Variants in RPTN observed in about 807,000 individuals in gnomAD.
RPTN encodes the protein intermediate filament-associated protein.
A neutral mutation model predicts 3.6 loss-of-function variants in RPTN; 4 were observed. That is an observed-to-expected ratio of 1.12 (90% CI 0.55 to 2.55). The LOEUF (loss-of-function observed/expected upper bound fraction) is 2.55. Among genes scored for constraint, RPTN ranks in the 30% most tolerant of loss-of-function variants. The probability of loss-of-function intolerance (pLI) is 0.02; values close to 1 mark genes in which losing one functional copy is unlikely to be tolerated. For synonymous variants in RPTN, 293 were observed against 319.3 expected, an observed-to-expected ratio of 0.92 and a Z score of 0.88; for missense variants, 860 against 916.7, an observed-to-expected ratio of 0.94 and a Z score of 0.80.
At position 152,157,868 on chromosome 1, in the gene RPTN, T is replaced by C; in HGVS notation, c.22A>G (p.Ile8Val). 1 of 1,613,880 alleles carries C rather than the reference T, an allele frequency of 6.2e-7. No homozygotes were observed. Among genetic ancestry groups the C allele is most frequent in the Non-Finnish European group, 8.5e-7 (1 of 1,179,858 alleles). Residue 8 changes from isoleucine (I) to valine (V), a missense_variant, in exon 2 of 3, where the codon ATA becomes GTA. Transcript: ENST00000316073. The stretch of plus-strand genomic sequence containing the variant: ...TGGAATACGTCAATCACACTGAGTA[T>C]GCTATTCAGGAGTTGAGCCATTTTG... MAQLLNS[I>V]LSVIDVFHKY... is the part of the protein sequence containing the mutation.
rs1487474281 is a variant in RPTN, at chr1:152,155,895, G to A, written c.1204C>T (p.His402Tyr). ...CCTTGTCTCTCTGTCTGACCATAGT[G>A]AGAACTTTGGTCTTGTCTGTCTGTC... ...GQTDRQDQSSHYGQTERQGQS... is the reference protein window; with the variant it reads ...GQTDRQDQSSYYGQTERQGQS... The change falls in exon 3 of 3, where the codon CAC (histidine) becomes TAC (tyrosine). Residue 402 changes from histidine (H) to tyrosine (Y), a missense_variant. His to Tyr is a moderately conservative substitution (Grantham distance 83). Coordinates refer to ENST00000316073, the MANE Select transcript of RPTN (RefSeq NM_001122965.1). The A allele has an allele frequency of 1.2e-6, 2 of 1,613,826 alleles. No individual in the cohort carries two copies. The highest frequency in any genetic ancestry group is 3.3e-5 in the Admixed American group (2 of 59,994).
Position 152,156,314 on chromosome 1 carries a change from G to T in RPTN, c.785C>A (p.Thr262Lys), listed in dbSNP as rs199850193. ...ATAAGAGCCTGATTTCTGTTGATTT[G>T]TCTGGTTAAAGTGAGAGGCTTGTCC... ...TLGQASHFNQ[T>K]NQQKSGSYCG... Residue 262 changes from threonine (T) to lysine (K), a missense_variant, in exon 3 of 3, where the codon ACA (threonine) becomes AAA (lysine). Coordinates refer to ENST00000316073, the MANE Select transcript of RPTN (RefSeq NM_001122965.1). The T allele has an allele frequency of 1.5e-4, 245 of 1,614,250 alleles. No homozygotes were observed. The African/African-American group carries it at 2.8e-3, about 18-fold the overall frequency.
rs766739280 is a variant in RPTN, at chr1:152,156,173, T to G, written c.926A>C (p.Gln309Pro). ...GGAACTCTGGCCTTGTCTGTCTGTCTGACCATAATGATAACTCTGGTCTTG... is the reference window on the plus strand; with the variant it reads ...GGAACTCTGGCCTTGTCTGTCTGTCGGACCATAATGATAACTCTGGTCTTG... ...DRQDQSYHYG[Q>P]TDRQGQSSHY... is the part of the protein sequence containing the mutation. Residue 309 changes from glutamine (Q) to proline (P), a missense_variant, in exon 3 of 3, where the codon CAG becomes CCG. Gln to Pro is a moderately conservative substitution (Grantham distance 76, BLOSUM62 -1). Coordinates refer to ENST00000316073, the MANE Select transcript of RPTN (RefSeq NM_001122965.1). 5.0e-6 allele frequency: 8 copies of G among 1,614,076 alleles called. No individual in the cohort carries two copies. The highest frequency in any genetic ancestry group is 1.3e-5 in the African/African-American group (1 of 75,048).
rs1415917093 is a variant in RPTN, at chr1:152,156,351, ATTG to A, written c.745_747del (p.Gln249del). Reference sequence around the variant, plus strand: ...TGAGAGGCTTGTCCAAGTGTTTCAGATTGTTGTGTATGTCTTTCAGACTGACCA... The same window carrying A: ...TGAGAGGCTTGTCCAAGTGTTTCAGATTGTGTATGTCTTTCAGACTGACCA... On this transcript the variant is annotated inframe_deletion, in exon 3 of 3. Transcript: ENST00000316073. The A allele has an allele frequency of 1.9e-6, 3 of 1,614,238 alleles. No homozygotes were observed. In the Admixed American group the frequency reaches 5.0e-5, roughly 27 times the overall value.
rs1048413410 is a variant in RPTN, at chr1:152,154,977, C to G, written c.2122G>C (p.Glu708Gln). 1 of 1,613,858 alleles carries G rather than the reference C, an allele frequency of 6.2e-7. No individual in the cohort carries two copies. The highest frequency in any genetic ancestry group is 1.3e-5 in the African/African-American group (1 of 75,038). Residue 708 changes from glutamate to glutamine, a missense_variant, in exon 3 of 3, where the codon GAG becomes CAG. By Grantham distance (29) the Glu-to-Gln change is conservative (BLOSUM62 2). Coordinates refer to ENST00000316073, the MANE Select transcript of RPTN (RefSeq NM_001122965.1). ...GEGLSHWAEE[E>Q]QGHQTWDRHS... is the part of the protein sequence containing the mutation. ...CTATCCCAAGTTTGATGGCCCTGCT[C>G]TTCCTCTGCCCAGTGGCTCAGCCCC...
In RPTN at chr1:152,155,270, A is replaced by G; in HGVS notation, c.1829T>C (p.Val610Ala). ...GTEGTRKASY[V>A]EQSGRSGRLS... ...CCTCCCTGATCTTCCTGATTGTTCA[A>G]CATAAGAGGCTTTTCTTGTTCCTTC... The change falls in exon 3 of 3, where the codon GTT (valine) becomes GCT (alanine). Residue 610 changes from valine to alanine, a missense_variant. Transcript: ENST00000316073. 1.9e-6 allele frequency: 3 copies of G among 1,614,160 alleles called. No homozygotes were observed. Among genetic ancestry groups the G allele is most frequent in the Non-Finnish European group, 2.5e-6 (3 of 1,180,020 alleles).
rs1204980633 is a variant in RPTN at position 152,153,949 on chromosome 1, A to G, written c.*795T>C. The stretch of plus-strand genomic sequence containing the variant: ...ATTCTAGTCTAGACTATGAGGCTTG[A>G]AATTCCTGATGTTTTATCCACAGGA... On this transcript the variant is annotated 3_prime_UTR_variant, in exon 3 of 3. Transcript: ENST00000316073. 1 of 152,428 alleles carries G rather than the reference A, an allele frequency of 6.6e-6. No individual in the cohort carries two copies. Among genetic ancestry groups the G allele is most frequent in the African/African-American group, 2.4e-5 (1 of 41,442 alleles). The allele number at this position is 152,428 out of a possible 1,614,324, so 9.4% of individuals were successfully genotyped here.
In RPTN at chr1:152,157,926, G is replaced by C. The variant is rs775627207; in HGVS notation, c.-20-17C>G. On this transcript the variant is annotated splice_polypyrimidine_tract_variant and intron_variant, in intron 1 of 2. Transcript: ENST00000316073. ...CGGGTGAACCTAAAAGAAGAAACAA[G>C]ATTTCTCCTGCCGTTAGGATAATGA... 1 of 1,608,996 alleles carries C rather than the reference G, an allele frequency of 6.2e-7. No individual in the cohort carries two copies. The highest frequency in any genetic ancestry group is 1.1e-5 in the South Asian group (1 of 90,798).
Position 152,155,326 on chromosome 1 carries a change from T to C in RPTN, c.1773A>G (p.Ile591Met). The C allele has an allele frequency of 6.2e-7, 1 of 1,614,272 alleles. No homozygotes were observed. The highest frequency in any genetic ancestry group is 1.1e-5 in the South Asian group (1 of 91,092). Residue 591 changes from isoleucine to methionine, a missense_variant, in exon 3 of 3, where the codon ATA (isoleucine) becomes ATG (methionine). Ile to Met is a conservative substitution (Grantham distance 10). Coordinates refer to ENST00000316073, the MANE Select transcript of RPTN (RefSeq NM_001122965.1). ...CTTGGAAGTACTTATTTTGCCCTTG[T>C]ATTTCCCCAGTCTGTGATTGAATAT... is the stretch of plus-strand genomic sequence containing the variant. ...SHYIQSQTGE[I>M]QGQNKYFQGT...
chr1:152,156,705 A>T lies in RPTN; in HGVS notation c.394T>A (p.Ser132Thr). The T allele has an allele frequency of 1.2e-6, 2 of 1,613,876 alleles. No homozygotes were observed. Among genetic ancestry groups the T allele is most frequent in the Non-Finnish European group, 1.7e-6 (2 of 1,179,956 alleles). ...RQRHEEERQN[S>T]HHSQPERQDG... is the part of the protein sequence containing the mutation. ...TGTCTCTCAGGCTGACTGTGGTGGGAGTTCTGCCTTTCTTCCTCGTGCCTC... is the reference window on the plus strand; with the variant it reads ...TGTCTCTCAGGCTGACTGTGGTGGGTGTTCTGCCTTTCTTCCTCGTGCCTC... Residue 132 changes from serine to threonine, a missense_variant, in exon 3 of 3, where the codon TCC becomes ACC. Physicochemically the swap from Ser to Thr is moderately conservative, Grantham distance 58 (BLOSUM62 1). Transcript: ENST00000316073.
In RPTN at chr1:152,156,015, C is replaced by T. The variant is rs779574736; in HGVS notation, c.1084G>A (p.Gly362Ser). Residue 362 changes from glycine (G) to serine (S), a missense_variant, in exon 3 of 3, where the codon GGC becomes AGC. Transcript: ENST00000316073. ...CYHYDQTNRQ[G>S]QGSHYSQPNR... ...GGTTGACTGTAGTGGGAACCCTGGC[C>T]TTGTCTGTTTGTCTGATCATAATGA... 2.5e-6 allele frequency: 4 copies of T among 1,613,718 alleles called. No individual in the cohort carries two copies. In the South Asian group the frequency reaches 4.4e-5, roughly 18 times the overall value.
Position 152,156,026 on chromosome 1 carries a change from G to A in RPTN, c.1073C>T (p.Thr358Ile). 6.2e-7 allele frequency: 1 copy of A among 1,613,508 alleles called. No individual in the cohort carries two copies. Among genetic ancestry groups the A allele is most frequent in the Non-Finnish European group, 8.5e-7 (1 of 1,180,016 alleles). ...RKGQCYHYDQ[T>I]NRQGQGSHYS... ...GTGGGAACCCTGGCCTTGTCTGTTTGTCTGATCATAATGATAACACTGGCC... is the reference window on the plus strand; with the variant it reads ...GTGGGAACCCTGGCCTTGTCTGTTTATCTGATCATAATGATAACACTGGCC... The change falls in exon 3 of 3, where the codon ACA (threonine) becomes ATA (isoleucine). Residue 358 changes from threonine (T) to isoleucine (I), a missense_variant. Coordinates refer to ENST00000316073, the MANE Select transcript of RPTN (RefSeq NM_001122965.1).
In RPTN at chr1:152,155,025, G is replaced by A; in HGVS notation, c.2074C>T (p.Gln692Ter). 6.2e-7 allele frequency: 1 copy of A among 1,614,084 alleles called. No homozygotes were observed. The highest frequency in any genetic ancestry group is 1.1e-5 in the South Asian group (1 of 91,080). ...CSSEQGHRQAQTRQSHGEGLS... is the reference protein window; with the variant it reads ...CSSEQGHRQA ...CCCTCACCATGACTCTGCCTGGTCT[G>A]GGCCTGTCTGTGGCCCTGCTCACTA... The change falls in exon 3 of 3, where the codon CAG (glutamine) becomes TAG (stop). Residue 692 changes from glutamine to a stop codon, truncating the protein, a stop_gained. Transcript: ENST00000316073. LOFTEE classifies it low-confidence loss of function (END_TRUNC).
rs1310779602 is a variant in RPTN at position 152,155,055 on chromosome 1, A to G, written c.2044T>C (p.Cys682Arg). 6 of 1,614,070 alleles carry G rather than the reference A, an allele frequency of 3.7e-6. No homozygotes were observed. Among genetic ancestry groups the G allele is most frequent in the East Asian group, 2.2e-5 (1 of 44,862 alleles). ...LCHKGRDWQS[C>R]SSEQGHRQAQ... ...TGTCTGTGGCCCTGCTCACTACTGC[A>G]TGATTGCCAGTCTCTCCCTTTGTGA... Residue 682 changes from cysteine to arginine, a missense_variant, in exon 3 of 3, where the codon TGC becomes CGC. Transcript: ENST00000316073.
intron 2 of RPTN, 34 bp from the exon 3 acceptor site, chr1:152,156,994 T>C: frequency 3.2e-6 from 5 of 1,554,840 alleles, no homozygotes; most frequent in Non-Finnish European, 4.4e-6. Flanking sequence ...CAAAATCAGA[T>C]GCTGTCTTGT....
At position 152,155,804 on chromosome 1, in the gene RPTN, C is replaced by T. The variant is rs765402638; in HGVS notation, c.1295G>A (p.Arg432Lys). ...GQGSHYGQTD[R>K]QGQSSHYGQP... ...ACCATAGTGGGAACTCTGGCCTTGT[C>T]TGTCTGTCTGACCGTAGTGAGAACC... Residue 432 changes from arginine to lysine, a missense_variant, in exon 3 of 3, where the codon AGA becomes AAA. Physicochemically the swap from Arg to Lys is conservative, Grantham distance 26. Coordinates refer to ENST00000316073, the MANE Select transcript of RPTN (RefSeq NM_001122965.1). The T allele has an allele frequency of 4.3e-6, 7 of 1,610,330 alleles. No homozygotes were observed. The highest frequency in any genetic ancestry group is 5.1e-6 in the Non-Finnish European group (6 of 1,178,534).
rs1456121264 is a variant in RPTN, at chr1:152,156,227, T to C, written c.872A>G (p.Gln291Arg). The change falls in exon 3 of 3, where the codon CAG (glutamine) becomes CGG (arginine). Residue 291 changes from glutamine to arginine, a missense_variant. Gln to Arg is a conservative substitution (Grantham distance 43). Transcript: ENST00000316073. ...LGCGQTDRQGQSSHYGQTDRQ... is the reference protein window; with the variant it reads ...LGCGQTDRQGRSSHYGQTDRQ... Reference sequence around the variant, plus strand: ...GTCCGTCTGACCGTAGTGGGAACTCTGGCCTTGTCTGTCTGTCTGACCACA... The same window carrying C: ...GTCCGTCTGACCGTAGTGGGAACTCCGGCCTTGTCTGTCTGTCTGACCACA... The C allele has an allele frequency of 1.2e-6, 2 of 1,614,104 alleles. No homozygotes were observed. Among genetic ancestry groups the C allele is most frequent in the Non-Finnish European group, 1.7e-6 (2 of 1,180,042 alleles).
In RPTN at chr1:152,156,367, T is replaced by C; in HGVS notation, c.732A>G (p.Glu244=). Residue 244 remains glutamate, a synonymous_variant, in exon 3 of 3, where the codon GAA becomes GAG. Coordinates refer to ENST00000316073, the MANE Select transcript of RPTN (RefSeq NM_001122965.1). The part of the protein sequence containing the change: ...PIQDSHYGQS[E]RHTQQSETLG... ...GTGTTTCAGATTGTTGTGTATGTCT[T>C]TCAGACTGACCATAATGAGAATCCT... is the stretch of plus-strand genomic sequence containing the variant. The C allele has an allele frequency of 6.2e-7, 1 of 1,614,252 alleles. No homozygotes were observed. The highest frequency in any genetic ancestry group is 1.7e-5 in the Admixed American group (1 of 60,030).
chr1:152,155,322 CT>C lies in RPTN; in HGVS notation c.1776del (p.Gln594LysfsTer26). On this transcript the variant is annotated frameshift_variant, in exon 3 of 3. Coordinates refer to ENST00000316073, the MANE Select transcript of RPTN (RefSeq NM_001122965.1). LOFTEE classifies it low-confidence loss of function (END_TRUNC). ...HYIQSQTGEIQGQNKYFQGTE... is the reference protein window; with the variant it reads ...HYIQSQTGEIXGQNKYFQGTE... The stretch of plus-strand genomic sequence containing the variant: ...GTCCCTTGGAAGTACTTATTTTGCC[CT>C]TGTATTTCCCCAGTCTGTGATTGAA... 1.9e-6 allele frequency: 3 copies of C among 1,614,224 alleles called. No homozygotes were observed. The highest frequency in any genetic ancestry group is 2.5e-6 in the Non-Finnish European group (3 of 1,180,044).
Sources: allele counts gnomAD v4.1 joint callset, GRCh38; gene constraint gnomAD v4.1.1; transcripts MANE v1.5; gene names NCBI Gene and HGNC (gene_info 2026-07-23, HGNC 2026-07-21).